TANGO6: variants seen among roughly 807,000 people sequenced by gnomAD.
The protein encoded by TANGO6 is transport and Golgi organization protein 6 homolog.
TANGO6 carries 90 observed loss-of-function variants against 114.2 expected under a neutral mutation model. The observed-to-expected ratio is 0.79, with a 90% CI of 0.66 to 0.94. The LOEUF (loss-of-function observed/expected upper bound fraction) is 0.94, where lower values mean the gene tolerates loss of function less well. TANGO6 is among the 40% of genes least tolerant of loss of function. The pLI, the probability that TANGO6 is intolerant of heterozygous loss-of-function variation, is 0.00. For synonymous variants in TANGO6, 477 were observed against 509.8 expected, an observed-to-expected ratio of 0.94 and a Z score of 0.87; for missense variants, 1,274 against 1,315.3, an observed-to-expected ratio of 0.97 and a Z score of 0.49.
At chr16:68,992,648 A>G (rs906599256) in intron 15 of TANGO6, among the ~76,000 whole-genome samples, 2 of 152,114 alleles carry the variant, frequency 1.3e-5, no homozygotes, top group African/African-American at 4.8e-5. Flanking sequence ...AAGTACATGT[A>G]TTTGTTTCTG....
chr16:68,946,445 C>T (rs1963415474), intron 14 of TANGO6, among the ~76,000 whole-genome samples: 1 of 151,810 alleles, frequency 6.6e-6, no homozygotes, highest in Non-Finnish European at 1.5e-5. Context: ...CCGCCCACCT[C>T]GGCCTCCCAA....
chr16:68,872,512 G>A (rs1175857953), intron 4 of TANGO6, among the ~76,000 whole-genome samples: 11 of 151,686 alleles, frequency 7.3e-5, no homozygotes, highest in Non-Finnish European at 5.9e-5. Flanking sequence ...ATGTTGGCCA[G>A]GCTGGTCTTG....
At chr16:68,946,758 T>G (rs574009271) in intron 14 of TANGO6, among the ~76,000 whole-genome samples, 1 of 152,300 alleles carries the variant, frequency 6.6e-6, no homozygotes, top group South Asian at 2.1e-4. Flanking sequence ...TGTATCAGCC[T>G]CCCAAAATGC....
At chr16:69,042,498 G>T (rs1959789305) in intron 17 of TANGO6, among the ~76,000 whole-genome samples, 1 of 152,104 alleles carries the variant, frequency 6.6e-6, no homozygotes, top group Non-Finnish European at 1.5e-5. Context: ...AGTGAGCCAG[G>T]ATTGCACCAC....
rs763713801 is a variant in TANGO6 at position 68,919,228 on chromosome 16, T to C, written c.2127+9T>C. The C allele has an allele frequency of 1.9e-6, 3 of 1,611,692 alleles. No individual in the cohort carries two copies. The highest frequency in any genetic ancestry group is 2.5e-6 in the Non-Finnish European group (3 of 1,179,134). ...TAGGAGGAGCTGTTCAGGTGAGTTGTAGACATGAGGCAAGCTTGAATGGAG... is the reference window on the plus strand; with the variant it reads ...TAGGAGGAGCTGTTCAGGTGAGTTGCAGACATGAGGCAAGCTTGAATGGAG... On this transcript the variant is annotated intron_variant, in intron 12 of 17. Transcript: ENST00000261778.
intron 14 of TANGO6, 36 bp from the exon 15 acceptor site, chr16:68,973,992 C>G: frequency 6.4e-7 from 1 of 1,569,184 alleles, no homozygotes; most frequent in Non-Finnish European, 8.6e-7. Context: ...TGATCGTAAA[C>G]AGTAATGAAT....
At chr16:69,014,907 AAAAAG>A in intron 15 of TANGO6, among the ~76,000 whole-genome samples, 1 of 152,050 alleles carries the variant, frequency 6.6e-6, no homozygotes, top group South Asian at 2.1e-4. Flanking sequence ...AAAAAAAAAA[AAAAAG>A]AAAAAGAAAA....
At chr16:69,000,128 C>T (rs1964027118) in intron 15 of TANGO6, among the ~76,000 whole-genome samples, 1 of 152,136 alleles carries the variant, frequency 6.6e-6, no homozygotes, top group South Asian at 2.1e-4. Flanking sequence ...TGATAATGTA[C>T]ACTAAGTCAT....
intron 17 of TANGO6, among the ~76,000 whole-genome samples, chr16:69,076,834 CA>C (rs559003584): frequency 1.3e-5 from 2 of 152,224 alleles, no homozygotes; most frequent in Admixed American, 1.3e-4. Flanking sequence ...TTACCTCCTC[CA>C]CTGACATTCA....
intron 15 of TANGO6, among the ~76,000 whole-genome samples, chr16:68,997,515 G>A (rs375591225): frequency 1.3e-5 from 2 of 152,178 alleles, no homozygotes; most frequent in East Asian, 3.8e-4. Flanking sequence ...GTTTCTTTTA[G>A]CATGCTAATG....
chr16:69,070,183 C>T (rs1018366010), intron 17 of TANGO6, among the ~76,000 whole-genome samples: 12 of 150,616 alleles, frequency 8.0e-5, no homozygotes, highest in South Asian at 2.1e-4. Context: ...ACTCCAGCCT[C>T]GGCGATAGAG....
intron 7 of TANGO6, among the ~76,000 whole-genome samples, chr16:68,882,452 G>A (rs777985166): frequency 2.2e-4 from 33 of 151,410 alleles, no homozygotes; most frequent in South Asian, 6.3e-4. Flanking sequence ...AGCCGAGATC[G>A]CACCACTGCA....
chr16:68,960,945 C>T (rs978277407), intron 14 of TANGO6, among the ~76,000 whole-genome samples: 2 of 152,222 alleles, frequency 1.3e-5, no homozygotes, highest in African/African-American at 4.8e-5. Flanking sequence ...CCAAGTTCTT[C>T]ATTTTCTTTC....
intron 15 of TANGO6, among the ~76,000 whole-genome samples, chr16:69,016,067 T>A (rs1042779010): frequency 2.0e-5 from 3 of 152,070 alleles, no homozygotes; most frequent in Non-Finnish European, 2.9e-5. Flanking sequence ...CCGCTCCTTA[T>A]TTTTTTTCAT....
At chr16:68,846,498 CTTTCTT>C (rs1596984999) in intron 1 of TANGO6, 1 of 347,646 alleles carries the variant, frequency 2.9e-6, no homozygotes, top group East Asian at 1.2e-4. Context: ...TTATACGATT[CTTTCTT>C]TTTTTTTTTT....
intron 15 of TANGO6, among the ~76,000 whole-genome samples, chr16:69,003,446 G>T (rs1190669738): frequency 1.3e-5 from 2 of 152,190 alleles, no homozygotes; most frequent in African/African-American, 4.8e-5. Flanking sequence ...ACAGCAGAAG[G>T]TAAGCACCAT....
intron 7 of TANGO6, among the ~76,000 whole-genome samples, chr16:68,893,094 T>C (rs1372839399): frequency 6.6e-6 from 1 of 152,174 alleles, no homozygotes; most frequent in Non-Finnish European, 1.5e-5. Context: ...TCTGGTCACA[T>C]TGAAACTTCA....
At chr16:68,925,815 A>G (rs962217084) in intron 12 of TANGO6, among the ~76,000 whole-genome samples, 21 of 149,566 alleles carry the variant, frequency 1.4e-4, no homozygotes, top group African/African-American at 4.9e-4. Context: ...GTCTAGATTC[A>G]TTTTTTCACA....
chr16:69,048,540 A>T (rs1174061728), intron 17 of TANGO6, among the ~76,000 whole-genome samples: 2 of 151,998 alleles, frequency 1.3e-5, no homozygotes, highest in Admixed American at 6.6e-5. Context: ...GGGATTAATT[A>T]TTAATTGACA....
Sources: allele counts gnomAD v4.1 joint callset (sites outside exome capture counted in the v4.1 genomes callset), GRCh38; gene constraint gnomAD v4.1.1; transcripts MANE v1.5; gene names NCBI Gene and HGNC (gene_info 2026-07-23, HGNC 2026-07-21).